The following ATG12 variants were observed in gnomAD, a reference collection of about 807,000 sequenced individuals.
The protein encoded by ATG12 is autophagy related 12.
A neutral mutation model predicts 17.6 loss-of-function variants in ATG12; 19 were observed. The ratio of observed to expected loss-of-function variants is 1.08; its 90% CI spans 0.75 to 1.58. The LOEUF is 1.58. Ranked by LOEUF, ATG12 falls within the 40% of genes most tolerant of loss-of-function variation. ATG12 has a pLI of 0.00. For missense variants in ATG12, 214 were observed against 162.0 expected, an observed-to-expected ratio of 1.32 and a Z score of -1.74; for synonymous variants, 75 against 62.4, an observed-to-expected ratio of 1.20 and a Z score of -0.95.
intron 2 of ATG12, among the ~76,000 whole-genome samples, chr5:115,835,955 G>T (rs1001935181): frequency 2.6e-5 from 4 of 152,006 alleles, no homozygotes; most frequent in Non-Finnish European, 4.4e-5. Flanking sequence ...ACTAAGTTTT[G>T]TGAGAATTTC....
Position 115,829,795 on chromosome 5 carries a change from T to C in ATG12, c.*2009A>G, listed in dbSNP as rs1322823105. ...AATTCTTTGAGTAAAGATCAAGAAA[T>C]AATTAAATATGATTTGAAAAAGTAC... is the stretch of plus-strand genomic sequence containing the variant. On this transcript the variant is annotated 3_prime_UTR_variant, in exon 4 of 4. Coordinates refer to ENST00000509910, the MANE Select transcript of ATG12 (RefSeq NM_004707.4). The C allele has an allele frequency of 1.3e-5, 2 of 152,090 alleles. No individual in the cohort carries two copies. Among genetic ancestry groups the C allele is most frequent in the Non-Finnish European group, 2.9e-5 (2 of 68,014 alleles). The allele number at this position is 152,090 out of a possible 1,614,324, so 9.4% of individuals were successfully genotyped here.
rs1760810253 is a variant in ATG12 at position 115,830,199 on chromosome 5, G to A, written c.*1605C>T. ...TTAGGAAAGAAAACAAATAAGGTTAGCTACATATTTAGCTAACCTTAGATT... is the reference window on the plus strand; with the variant it reads ...TTAGGAAAGAAAACAAATAAGGTTAACTACATATTTAGCTAACCTTAGATT... On this transcript the variant is annotated 3_prime_UTR_variant, in exon 4 of 4. Transcript: ENST00000509910. 1 of 149,898 alleles carries A rather than the reference G, an allele frequency of 6.7e-6. No individual in the cohort carries two copies. The highest frequency in any genetic ancestry group is 1.5e-5 in the Non-Finnish European group (1 of 67,758). 9.3% of individuals were successfully genotyped at this position (149,898 alleles called of 1,614,324 possible). A position where few individuals can be genotyped will look rare whatever the true frequency, so the allele number is the denominator to read the frequency against.
chr5:115,837,754 C>A lies in ATG12; in HGVS notation c.174G>T (p.Leu58Phe). 6.3e-7 allele frequency: 1 copy of A among 1,599,852 alleles called. No homozygotes were observed. The highest frequency in any genetic ancestry group is 1.1e-5 in the South Asian group (1 of 88,542). The part of the protein sequence containing the change: ...AGDTKKKIDI[L>F]LKAVGDTPIM... ...TAGGAGTGTCTCCCACAGCCTTTAG[C>A]AAAATGTCAACTGTAAAAGAAGAAT... The change falls in exon 2 of 4, where the codon TTG (leucine) becomes TTT (phenylalanine). Residue 58 changes from leucine to phenylalanine, a missense_variant. Physicochemically the swap from Leu to Phe is conservative, Grantham distance 22. Transcript: ENST00000509910.
intron 1 of ATG12, among the ~76,000 whole-genome samples, chr5:115,839,696 C>T (rs557409014): frequency 6.6e-6 from 1 of 152,312 alleles, no homozygotes; most frequent in South Asian, 2.1e-4. Context: ...ACCTAACATA[C>T]CTCCAGTGCC....
Position 115,832,600 on chromosome 5 carries a change from ACCTC to A in ATG12, c.361_363+1del. On this transcript the variant is annotated splice_donor_variant and coding_sequence_variant, in exon 3 of 4. Coordinates refer to ENST00000509910, the MANE Select transcript of ATG12 (RefSeq NM_004707.4). LOFTEE classifies it high-confidence loss of function. ...TTTTTTTTTTTTTTTTTTTTTTTTT[ACCTC>A]ATAGAGAGTTCCAACTTCTTGGTCT... The A allele has an allele frequency of 3.8e-6, 3 of 781,882 alleles. No individual in the cohort carries two copies. The highest frequency in any genetic ancestry group is 5.3e-6 in the Non-Finnish European group (3 of 570,794). The allele number at this position is 781,882 out of a possible 1,614,324, so 48.4% of individuals were successfully genotyped here. A position where few individuals can be genotyped will look rare whatever the true frequency, so the allele number is the denominator to read the frequency against.
At position 115,841,413 on chromosome 5, in the gene ATG12, G is replaced by A; in HGVS notation, c.140C>T (p.Pro47Leu). 6.2e-7 allele frequency: 1 copy of A among 1,610,298 alleles called. No homozygotes were observed. The highest frequency in any genetic ancestry group is 8.5e-7 in the Non-Finnish European group (1 of 1,179,180). ...SAAVSPGTEE[P>L]AGDTKKKIDI... ...ACTTTTTTTCTTGGTGTCGCCAGCAGGTTCCTCTGTTCCCGGGGAAACTGC... is the reference window on the plus strand; with the variant it reads ...ACTTTTTTTCTTGGTGTCGCCAGCAAGTTCCTCTGTTCCCGGGGAAACTGC... Residue 47 changes from proline (P) to leucine (L), a missense_variant, in exon 1 of 4, where the codon CCT becomes CTT. Transcript: ENST00000509910.
At chr5:115,841,225 A>C in intron 1 of ATG12, 165 bp downstream of exon 1, 11 of 827,868 alleles carry the variant, frequency 1.3e-5, no homozygotes, top group African/African-American at 3.5e-5. Context: ...CACTCAACTT[A>C]AAGGCCTTAA....
At chr5:115,836,916 G>A (rs138255935) in intron 2 of ATG12, among the ~76,000 whole-genome samples, 1,824 of 152,258 alleles carry the variant, frequency 0.012, 23 homozygotes, top group Non-Finnish European at 0.014. Context: ...AGTGCTTAAC[G>A]TGTACTGTTA....
rs368266571 is a variant in ATG12, at chr5:115,831,867, CAAAA to C, written c.364-8_364-5del. The C allele has an allele frequency of 1.6e-6, 2 of 1,265,156 alleles. No homozygotes were observed. The highest frequency in any genetic ancestry group is 1.6e-5 in the African/African-American group (1 of 61,308). 78.4% of individuals were successfully genotyped at this position (1,265,156 alleles called of 1,614,324 possible). A position where few individuals can be genotyped will look rare whatever the true frequency, so the allele number is the denominator to read the frequency against. On this transcript the variant is annotated splice_region_variant and splice_polypyrimidine_tract_variant and intron_variant, in intron 3 of 3. Coordinates refer to ENST00000509910, the MANE Select transcript of ATG12 (RefSeq NM_004707.4). ...GTTTACCATCACTGCCAAAACACTACAAAAAAAAAAGGCAATAAATCAAACTCAA... is the reference window on the plus strand; with the variant it reads ...GTTTACCATCACTGCCAAAACACTACAAAAAAGGCAATAAATCAAACTCAA...
intron 1 of ATG12, chr5:115,840,532 A>T (rs929008176): frequency 9.8e-7 from 1 of 1,024,958 alleles, no homozygotes; most frequent in Non-Finnish European, 1.3e-6. Flanking sequence ...TCTTGACCTC[A>T]GGTGATCCAC....
intron 1 of ATG12, chr5:115,840,578 G>A: frequency 2.3e-6 from 3 of 1,277,886 alleles, no homozygotes; most frequent in Non-Finnish European, 3.0e-6. Flanking sequence ...GATTACAGGA[G>A]TGAGCCACCG....
rs1157636172 is a variant in ATG12, at chr5:115,841,546, C to T, written c.7G>A (p.Glu3Lys). 4 of 1,613,758 alleles carry T rather than the reference C, an allele frequency of 2.5e-6. No individual in the cohort carries two copies. The Admixed American group carries it at 5.0e-5, about 20-fold the overall frequency. MA[E>K]EPQSVLQLPT... ...AGCTGCAACACAGACTGCGGCTCCTCCGCCATCTTGCTTGGAGACACTCGA... is the reference window on the plus strand; with the variant it reads ...AGCTGCAACACAGACTGCGGCTCCTTCGCCATCTTGCTTGGAGACACTCGA... Residue 3 changes from glutamate to lysine, a missense_variant, in exon 1 of 4, where the codon GAG becomes AAG. By Grantham distance (56) the Glu-to-Lys change is moderately conservative (BLOSUM62 1). Coordinates refer to ENST00000509910, the MANE Select transcript of ATG12 (RefSeq NM_004707.4).
rs1760869142 is a variant in ATG12, at chr5:115,831,530, C to T, written c.*274G>A. On this transcript the variant is annotated 3_prime_UTR_variant, in exon 4 of 4. Transcript: ENST00000509910. ...TATACAGTCTTAGTCTCCTTTTCAACCTTGGAGGCAGATCTGCAGCAATAA... is the reference window on the plus strand; with the variant it reads ...TATACAGTCTTAGTCTCCTTTTCAATCTTGGAGGCAGATCTGCAGCAATAA... 7.8e-6 allele frequency: 4 copies of T among 515,688 alleles called. No homozygotes were observed. The highest frequency in any genetic ancestry group is 6.8e-6 in the Non-Finnish European group (2 of 292,126). The allele number at this position is 515,688 out of a possible 1,614,324, so 31.9% of individuals were successfully genotyped here. A position where few individuals can be genotyped will look rare whatever the true frequency, so the allele number is the denominator to read the frequency against.
chr5:115,832,751 G>T, intron 2 of ATG12, 87 bp from the exon 3 acceptor site: 1 of 1,278,138 alleles, frequency 7.8e-7, no homozygotes, highest in Non-Finnish European at 1.1e-6. Flanking sequence ...TAGCTATTTT[G>T]TATTGTTTTC....
At chr5:115,836,800 C>A (rs1224393918) in intron 2 of ATG12, among the ~76,000 whole-genome samples, 1 of 152,276 alleles carries the variant, frequency 6.6e-6, no homozygotes. Flanking sequence ...ATAAAAAACA[C>A]TTAATGTGCC....
chr5:115,840,891 C>CGT (rs756330101), intron 1 of ATG12: 1 of 1,288,078 alleles, frequency 7.8e-7, no homozygotes. Context: ...CTTCATTCTG[C>CGT]ATAAGAATTT....
chr5:115,841,517 A>G lies in ATG12; in HGVS notation c.36T>C (p.Pro12=), dbSNP rs768570198. 6.2e-6 allele frequency: 10 copies of G among 1,612,680 alleles called. No homozygotes were observed. In the Admixed American group the frequency reaches 1.5e-4, roughly 24 times the overall value. ...CTTCCCCTCCAGCAGCAATTGAAGT[A>G]GGAAGCTGCAACACAGACTGCGGCT... The part of the protein sequence containing the change: ...AEEPQSVLQL[P]TSIAAGGEGL... The change falls in exon 1 of 4, where the codon CCT becomes CCC. Residue 12 remains proline, a synonymous_variant. Transcript: ENST00000509910.
At chr5:115,840,668 G>C in intron 1 of ATG12, 1 of 1,224,904 alleles carries the variant, frequency 8.2e-7, no homozygotes, top group Middle Eastern at 2.3e-4. Flanking sequence ...CTGAATCGAG[G>C]ATGCTTATAT....
At chr5:115,835,248 T>C (rs946095121) in intron 2 of ATG12, 1 of 152,216 alleles carries the variant, frequency 6.6e-6, no homozygotes, top group African/African-American at 2.4e-5. Context: ...TCTGGCTTGA[T>C]TTCATCGTCT....
Sources: gnomAD v4.1 joint callset for allele counts (sites outside exome capture counted in the v4.1 genomes callset) on GRCh38, gnomAD v4.1.1 for gene constraint, MANE v1.5 for transcripts, NCBI Gene and HGNC (gene_info 2026-07-23, HGNC 2026-07-21) for gene names.